The following CTNNA2 variants were observed in gnomAD, a reference collection of about 807,000 sequenced individuals.
CTNNA2 encodes the protein catenin alpha 2.
CTNNA2 carries 42 observed loss-of-function variants against 101.0 expected under a neutral mutation model. That is an observed-to-expected ratio of 0.42 (90% confidence interval 0.32 to 0.54). CTNNA2 has a LOEUF of 0.54. CTNNA2 is among the 20% of genes least tolerant of loss of function. CTNNA2 has a pLI of 0.14. For missense variants in CTNNA2, 871 were observed against 1,223.1 expected (o/e 0.71, Z 4.29); for synonymous variants, 450 against 456.4 (o/e 0.99, Z 0.18).
At chr2:79,566,175 T>TG (rs1032987775) in intron 1 of CTNNA2, among the ~76,000 whole-genome samples, 1 of 152,156 alleles carries the variant, frequency 6.6e-6, no homozygotes, top group Non-Finnish European at 1.5e-5. Context: ...ATTATGTGAA[T>TG]GTGGTCTTCA....
chr2:79,542,135 A>G (rs1216173502), intron 1 of CTNNA2, among the ~76,000 whole-genome samples: 1 of 151,948 alleles, frequency 6.6e-6, no homozygotes, highest in Admixed American at 6.6e-5. Flanking sequence ...ATATTGTGTG[A>G]ATGTTCTCAG....
chr2:80,242,015 G>A (rs1429693590), intron 7 of CTNNA2, among the ~76,000 whole-genome samples: 1 of 152,138 alleles, frequency 6.6e-6, no homozygotes, highest in Admixed American at 6.5e-5. Context: ...TTAAATTTTA[G>A]AAAGAATGTT....
chr2:80,497,761 G>A (rs1368690176), intron 9 of CTNNA2, among the ~76,000 whole-genome samples: 2 of 152,186 alleles, frequency 1.3e-5, no homozygotes, highest in Middle Eastern at 3.2e-3. Flanking sequence ...GAAGGTCACA[G>A]GGGAAGGAAC....
At chr2:79,509,532 A>G (rs1671490485), upstream of CTNNA2, among the ~76,000 whole-genome samples, 1 of 152,176 alleles carries the variant, frequency 6.6e-6, no homozygotes. Flanking sequence ...CATGACCCCA[A>G]CTCTATGACA....
intron 3 of CTNNA2, among the ~76,000 whole-genome samples, chr2:79,364,317 T>C (rs906170405): frequency 1.3e-5 from 2 of 152,182 alleles, no homozygotes; most frequent in East Asian, 3.9e-4. Context: ...TCTTCCCCAG[T>C]GTATATTCAA....
At chr2:80,411,446 C>G (rs1679563717) in intron 8 of CTNNA2, among the ~76,000 whole-genome samples, 1 of 152,128 alleles carries the variant, frequency 6.6e-6, no homozygotes, top group South Asian at 2.1e-4. Flanking sequence ...GCCATGGGTT[C>G]TCTTCTTTTA....
At chr2:79,378,632 A>C (rs11126720) in intron 4 of CTNNA2, among the ~76,000 whole-genome samples, 1 of 151,970 alleles carries the variant, frequency 6.6e-6, no homozygotes, top group Admixed American at 6.6e-5. Context: ...ATTCTACATA[A>C]TATTTGCTCC....
At chr2:80,106,725 G>A (rs73940944) in intron 7 of CTNNA2, among the ~76,000 whole-genome samples, 3 of 152,030 alleles carry the variant, frequency 2.0e-5, no homozygotes, top group East Asian at 1.9e-4. Context: ...CCTGCCATTC[G>A]CTGGCAGGTG....
intron 7 of CTNNA2, among the ~76,000 whole-genome samples, chr2:80,042,382 G>A (rs1696125723): frequency 6.6e-6 from 1 of 152,158 alleles, no homozygotes; most frequent in African/African-American, 2.4e-5. Flanking sequence ...CTAAATGAAT[G>A]CTGTTGAGAA....
chr2:80,416,278 T>G (rs1427128199), intron 8 of CTNNA2, among the ~76,000 whole-genome samples: 1 of 152,152 alleles, frequency 6.6e-6, no homozygotes, highest in African/African-American at 2.4e-5. Flanking sequence ...GGTAATCATT[T>G]CACAATATAT....
chr2:79,288,649 C>T (rs1480810088), intron 2 of CTNNA2, among the ~76,000 whole-genome samples: 1 of 152,090 alleles, frequency 6.6e-6, no homozygotes, highest in Non-Finnish European at 1.5e-5. Context: ...GCTTAAGCTT[C>T]CTCATACCAT....
At chr2:80,537,067 C>A (rs559502585) in intron 9 of CTNNA2, among the ~76,000 whole-genome samples, 2 of 152,254 alleles carry the variant, frequency 1.3e-5, no homozygotes, top group East Asian at 1.9e-4. Context: ...AATGCTTTCC[C>A]TCCCCTTGCA....
intron 12 of CTNNA2, among the ~76,000 whole-genome samples, chr2:80,564,521 T>G (rs889459990): frequency 4.6e-5 from 7 of 152,082 alleles, no homozygotes; most frequent in Admixed American, 6.6e-5. Flanking sequence ...TTTTTTTTTT[T>G]TTTTTACCCC....
In CTNNA2 at chr2:79,691,244, TA is replaced by T. The variant is rs532468294; in HGVS notation, c.102+39590del. On this transcript the variant is annotated intron_variant, in intron 2 of 18. Transcript: ENST00000402739. ...TAAATCTGCATTATCTAGAATGTGA[TA>T]AAAGTAGTAATTTGTTCTATATTCC... Among the ~76,000 whole-genome samples the T allele has an allele frequency of 1.4e-4, 22 of 152,154 alleles. No individual in the cohort carries two copies. In the South Asian group the frequency reaches 4.6e-3, roughly 32 times the overall value.
At chr2:80,329,455 T>C (rs891136692) in intron 7 of CTNNA2, among the ~76,000 whole-genome samples, 2 of 152,184 alleles carry the variant, frequency 1.3e-5, no homozygotes, top group Non-Finnish European at 2.9e-5. Context: ...AAAGGTTGTA[T>C]AGATTATTTC....
chr2:79,910,155 CA>C (rs1369276691), intron 7 of CTNNA2, among the ~76,000 whole-genome samples: 3 of 152,124 alleles, frequency 2.0e-5, no homozygotes, highest in African/African-American at 7.2e-5. Flanking sequence ...TCCTCTGTTA[CA>C]AAGAGCACTT....
intron 3 of CTNNA2, among the ~76,000 whole-genome samples, chr2:79,745,904 T>G (rs1255126318): frequency 6.6e-6 from 1 of 152,178 alleles, no homozygotes; most frequent in Non-Finnish European, 1.5e-5. Flanking sequence ...CTTTCAGTTC[T>G]TTTGGATATA....
chr2:79,583,597 C>G lies in CTNNA2; in HGVS notation c.-5-67955C>G, dbSNP rs146787973. 5.5e-3 allele frequency among the ~76,000 whole-genome samples: 843 copies of G among 152,152 alleles called. 2 individuals carry two copies. The highest frequency in any genetic ancestry group is 0.019 in the African/African-American group (792 of 41,520). The stretch of plus-strand genomic sequence containing the variant: ...GTGTATGTTTAGCCTTATGCAAAAC[C>G]ACCGAACTGTTTTCCAGGGTGGCTA... On this transcript the variant is annotated intron_variant, in intron 1 of 18. Coordinates refer to ENST00000402739, the MANE Select transcript of CTNNA2 (RefSeq NM_001282597.3).
chr2:79,803,498 C>T (rs1676327189), intron 3 of CTNNA2, among the ~76,000 whole-genome samples: 1 of 152,256 alleles, frequency 6.6e-6, no homozygotes, highest in African/African-American at 2.4e-5. Context: ...TAGTTAACTG[C>T]AGCAGGGACA....
Sources: allele counts gnomAD v4.1 joint callset (sites outside exome capture counted in the v4.1 genomes callset), GRCh38; gene constraint gnomAD v4.1.1; transcripts MANE v1.5; gene names NCBI Gene and HGNC (gene_info 2026-07-23, HGNC 2026-07-21).